C1orf21: variants seen among roughly 807,000 people sequenced by gnomAD.
C1orf21 encodes the protein uncharacterized protein C1orf21.
A neutral mutation model predicts 18.7 loss-of-function variants in C1orf21; 3 were observed. The ratio of observed to expected loss-of-function variants is 0.16; its 90% CI spans 0.07 to 0.42. C1orf21 has a LOEUF of 0.42. Among genes scored for constraint, C1orf21 ranks in the 10% least tolerant of loss-of-function variants. The pLI, the probability that C1orf21 is intolerant of heterozygous loss-of-function variation, is 0.99. For synonymous variants in C1orf21, 41 were observed against 46.4 expected (o/e 0.88, Z 0.47); for missense variants, 104 against 143.6 (o/e 0.72, Z 1.41).
chr1:184,407,790 C>T (rs1656274095), intron 1 of C1orf21, among the ~76,000 whole-genome samples: 1 of 152,036 alleles, frequency 6.6e-6, no homozygotes, highest in African/African-American at 2.4e-5. Context: ...GCCAGATGAA[C>T]AATATATTTG....
At chr1:184,452,915 C>G (rs983457161) in intron 1 of C1orf21, among the ~76,000 whole-genome samples, 1 of 151,920 alleles carries the variant, frequency 6.6e-6, no homozygotes, top group African/African-American at 2.4e-5. Context: ...ATTGTTTATG[C>G]CTTAAAAGTT....
intron 2 of C1orf21, among the ~76,000 whole-genome samples, chr1:184,506,350 G>A (rs929074967): frequency 2.0e-5 from 3 of 152,134 alleles, no homozygotes; most frequent in African/African-American, 7.2e-5. Flanking sequence ...AACATCTTTG[G>A]GAGTTGTGTG....
chr1:184,476,848 C>T (rs1657578919), intron 1 of C1orf21, among the ~76,000 whole-genome samples: 1 of 152,124 alleles, frequency 6.6e-6, no homozygotes, highest in South Asian at 2.1e-4. Context: ...GAATTATTTA[C>T]AGCCTTAACC....
At chr1:184,410,622 T>TGCC (rs1188869946) in intron 1 of C1orf21, among the ~76,000 whole-genome samples, 1 of 3,674 alleles carries the variant, frequency 2.7e-4, no homozygotes, top group Admixed American at 4.6e-3. Context: ...ATATATTATA[T>TGCC]ATATATATAT....
chr1:184,541,406 G>A (rs1282961976), intron 3 of C1orf21, among the ~76,000 whole-genome samples: 1 of 152,128 alleles, frequency 6.6e-6, no homozygotes, highest in African/African-American at 2.4e-5. Flanking sequence ...AGAAGAACCA[G>A]CCTTGACCTC....
intron 1 of C1orf21, among the ~76,000 whole-genome samples, chr1:184,401,759 T>A (rs1286262938): frequency 6.6e-6 from 1 of 150,944 alleles, no homozygotes; most frequent in Non-Finnish European, 1.5e-5. Context: ...GTGTAAATAT[T>A]TAGTAGATAC....
At chr1:184,388,252 G>A (rs74637116) in intron 1 of C1orf21, among the ~76,000 whole-genome samples, 6,946 of 152,258 alleles carry the variant, frequency 0.046, 532 homozygotes, top group African/African-American at 0.16. Context: ...AATGGCTCAG[G>A]CATGTCGGTA....
intron 1 of C1orf21, among the ~76,000 whole-genome samples, chr1:184,392,819 C>CTTTTTTTTTTT (rs397861528): frequency 1.0e-5 from 1 of 96,820 alleles, no homozygotes; most frequent in African/African-American, 4.1e-5. Context: ...GACATTCCTC[C>CTTTTTTTTTTT]TTTTTTTTTT....
chr1:184,440,978 C>A (rs1656934547), intron 1 of C1orf21, among the ~76,000 whole-genome samples: 1 of 152,110 alleles, frequency 6.6e-6, no homozygotes, highest in African/African-American at 2.4e-5. Context: ...ACTGAAGGAT[C>A]CTATTTGATG....
chr1:184,625,099 G>T lies in C1orf21; in HGVS notation c.*5543G>T, dbSNP rs1291137001. Reference sequence around the variant, plus strand: ...CACAGAAATTGCTGTATTTCGGGAAGATTCACCTCTAAACTGAAGGCTTCA... The same window carrying T: ...CACAGAAATTGCTGTATTTCGGGAATATTCACCTCTAAACTGAAGGCTTCA... On this transcript the variant is annotated 3_prime_UTR_variant, in exon 6 of 6. Transcript: ENST00000235307. 1 of 152,220 alleles carries T rather than the reference G, an allele frequency of 6.6e-6. No homozygotes were observed. The highest frequency in any genetic ancestry group is 1.5e-5 in the Non-Finnish European group (1 of 68,050). 9.4% of individuals were successfully genotyped at this position (152,220 alleles called of 1,614,324 possible).
intron 1 of C1orf21, among the ~76,000 whole-genome samples, chr1:184,475,425 G>C (rs1489075446): frequency 6.6e-6 from 1 of 151,964 alleles, no homozygotes; most frequent in Non-Finnish European, 1.5e-5. Context: ...AGCTCAGTCT[G>C]TTCCTTGCAG....
chr1:184,564,551 A>G (rs993607923), intron 3 of C1orf21, among the ~76,000 whole-genome samples: 21 of 152,076 alleles, frequency 1.4e-4, no homozygotes, highest in Non-Finnish European at 2.9e-4. Context: ...CAAGTGATCC[A>G]GCCTCAGCCT....
At chr1:184,442,430 G>A (rs1479610295) in intron 1 of C1orf21, among the ~76,000 whole-genome samples, 3 of 152,152 alleles carry the variant, frequency 2.0e-5, no homozygotes, top group Non-Finnish European at 2.9e-5. Flanking sequence ...TAAAGATTAC[G>A]TGAAAAGTGA....
chr1:184,572,407 T>C (rs2101990528), intron 3 of C1orf21, among the ~76,000 whole-genome samples: 1 of 152,342 alleles, frequency 6.6e-6, no homozygotes, highest in East Asian at 1.9e-4. Context: ...TATTCTGTTC[T>C]GTTTTGTAAG....
intron 1 of C1orf21, among the ~76,000 whole-genome samples, chr1:184,398,093 G>T (rs1004964191): frequency 6.6e-6 from 1 of 152,110 alleles, no homozygotes; most frequent in Non-Finnish European, 1.5e-5. Context: ...TGGATTCAGC[G>T]GATTCTATCC....
chr1:184,559,489 TCCTTCCTTCCTTCCCC>T, intron 3 of C1orf21, among the ~76,000 whole-genome samples: 1 of 123,636 alleles, frequency 8.1e-6, no homozygotes, highest in Non-Finnish European at 1.7e-5. Context: ...CTTCCTTCCT[TCCTTCCTTCCTTCCCC>T]CCTTCCTTCC....
At chr1:184,590,638 G>C in intron 3 of C1orf21, 101 bp from the exon 4 acceptor site, 1 of 1,164,960 alleles carries the variant, frequency 8.6e-7, no homozygotes, top group South Asian at 1.3e-5. Context: ...CGTAGTATAG[G>C]GCCCCAAACA....
At chr1:184,476,668 A>G (rs373066873) in intron 1 of C1orf21, among the ~76,000 whole-genome samples, 8 of 152,202 alleles carry the variant, frequency 5.3e-5, no homozygotes, top group African/African-American at 1.9e-4. Flanking sequence ...AGTTTACGCC[A>G]AAAGCTTGAC....
chr1:184,450,247 C>T (rs1428684572), intron 1 of C1orf21, among the ~76,000 whole-genome samples: 1 of 152,092 alleles, frequency 6.6e-6, no homozygotes, highest in East Asian at 1.9e-4. Flanking sequence ...GTGGAGAGCA[C>T]GCCACCACAC....
Sources: allele counts gnomAD v4.1 joint callset (sites outside exome capture counted in the v4.1 genomes callset), GRCh38; gene constraint gnomAD v4.1.1; transcripts MANE v1.5; gene names NCBI Gene and HGNC (gene_info 2026-07-23, HGNC 2026-07-21).